The following ATP8A2 variants were observed in gnomAD, a reference collection of about 807,000 sequenced individuals.
ATP8A2 encodes phospholipid-transporting ATPase IB.
ATP8A2 carries 100 observed loss-of-function variants against 165.6 expected under a neutral mutation model. The observed-to-expected ratio is 0.60, with a 90% CI of 0.51 to 0.71. ATP8A2 has a LOEUF of 0.71. Ranked by LOEUF, ATP8A2 falls within the 30% of genes least tolerant of loss-of-function variation. The pLI is 0.00. For synonymous variants in ATP8A2, 543 were observed against 548.8 expected (o/e 0.99, Z 0.15); for missense variants, 1,227 against 1,479.5 (o/e 0.83, Z 2.80).
intron 1 of ATP8A2, among the ~76,000 whole-genome samples, chr13:25,447,923 C>T (rs948272575): frequency 5.3e-5 from 8 of 152,172 alleles, no homozygotes; most frequent in Non-Finnish European, 8.8e-5. Flanking sequence ...TGTCTCCAAC[C>T]GTAGTCTTTG....
At chr13:25,643,376 TTTG>T in intron 24 of ATP8A2, among the ~76,000 whole-genome samples, 2 of 152,266 alleles carry the variant, frequency 1.3e-5, no homozygotes, top group South Asian at 4.1e-4. Flanking sequence ...CTTGCAGTTT[TTTG>T]TTGTTATGAC....
chr13:25,884,222 A>G (rs1176712447), intron 33 of ATP8A2, among the ~76,000 whole-genome samples: 1 of 152,172 alleles, frequency 6.6e-6, no homozygotes, highest in East Asian at 1.9e-4. Context: ...AGTTGGAGTT[A>G]CATGGGTCTC....
chr13:25,680,456 A>G (rs1001588413), intron 24 of ATP8A2, among the ~76,000 whole-genome samples: 1 of 152,182 alleles, frequency 6.6e-6, no homozygotes, highest in Non-Finnish European at 1.5e-5. Flanking sequence ...TTCTAGCCCC[A>G]GGAGCTGTGA....
At chr13:25,908,022 T>C (rs1953994173) in intron 33 of ATP8A2, among the ~76,000 whole-genome samples, 1 of 152,196 alleles carries the variant, frequency 6.6e-6, no homozygotes, top group Non-Finnish European at 1.5e-5. Context: ...GATATTTTTT[T>C]CAGATAAAAG....
At chr13:25,390,245 C>T (rs1186065685) in intron 1 of ATP8A2, among the ~76,000 whole-genome samples, 4 of 152,180 alleles carry the variant, frequency 2.6e-5, no homozygotes, top group Non-Finnish European at 4.4e-5. Context: ...CCACCCACCT[C>T]GGCCTCCCAA....
At chr13:25,572,364 C>T (rs1453502668) in intron 18 of ATP8A2, among the ~76,000 whole-genome samples, 1 of 152,194 alleles carries the variant, frequency 6.6e-6, no homozygotes, top group African/African-American at 2.4e-5. Flanking sequence ...ATCTCAAATT[C>T]CTGACCTCAA....
At chr13:25,388,930 C>A (rs2033150446) in intron 1 of ATP8A2, among the ~76,000 whole-genome samples, 1 of 152,158 alleles carries the variant, frequency 6.6e-6, no homozygotes, top group African/African-American at 2.4e-5. Flanking sequence ...AAGAGAAAGC[C>A]AATGGGAATC....
intron 24 of ATP8A2, among the ~76,000 whole-genome samples, chr13:25,609,826 G>T (rs924163818): frequency 9.9e-5 from 15 of 150,884 alleles, no homozygotes; most frequent in Admixed American, 4.6e-4. Context: ...CAGGAGTAAG[G>T]TGGTATCCCA....
chr13:25,513,813 C>G (rs2037366131), intron 2 of ATP8A2, among the ~76,000 whole-genome samples: 2 of 152,226 alleles, frequency 1.3e-5, no homozygotes, highest in African/African-American at 4.8e-5. Flanking sequence ...AAAAACCAGT[C>G]AGGCGTGGCG....
intron 12 of ATP8A2, among the ~76,000 whole-genome samples, chr13:25,554,233 C>A (rs957733413): frequency 2.6e-5 from 4 of 152,194 alleles, no homozygotes; most frequent in Admixed American, 2.6e-4. Context: ...GAAGAAAAGG[C>A]CTCTTGGGTG....
At chr13:25,508,596 A>G (rs1327342438) in intron 2 of ATP8A2, among the ~76,000 whole-genome samples, 2 of 152,232 alleles carry the variant, frequency 1.3e-5, no homozygotes, top group African/African-American at 4.8e-5. Flanking sequence ...AACTTTGGCA[A>G]CCCTCTGATT....
intron 33 of ATP8A2, among the ~76,000 whole-genome samples, chr13:25,867,729 C>A (rs2138790267): frequency 6.6e-6 from 1 of 152,194 alleles, no homozygotes; most frequent in South Asian, 2.1e-4. Flanking sequence ...TGGGGGCTTC[C>A]AGGATAGCAG....
chr13:25,916,719 A>T (rs1050078378), intron 33 of ATP8A2, among the ~76,000 whole-genome samples: 3 of 152,138 alleles, frequency 2.0e-5, no homozygotes, highest in African/African-American at 7.2e-5. Flanking sequence ...CCTGTAACTC[A>T]TGTCACTCCT....
chr13:25,627,565 G>A (rs896101666), intron 24 of ATP8A2, among the ~76,000 whole-genome samples: 2 of 152,096 alleles, frequency 1.3e-5, no homozygotes, highest in Non-Finnish European at 2.9e-5. Flanking sequence ...GTGAGAACAC[G>A]GTGAGAAGGT....
intron 1 of ATP8A2, among the ~76,000 whole-genome samples, chr13:25,465,684 TTTCTTTCTTTCTTTCTTTCTTTCTTTC>T (rs1566153067): frequency 1.1e-3 from 14 of 13,120 alleles, no homozygotes; most frequent in African/African-American, 2.3e-3. Flanking sequence ...TCTTTCTTTC[TTTCTTTCTTTCTTTCTTTCTTTCTTTC>T]TTTCTTTCTT....
chr13:25,420,003 T>A (rs561617006), intron 1 of ATP8A2, among the ~76,000 whole-genome samples: 1 of 152,176 alleles, frequency 6.6e-6, no homozygotes, highest in African/African-American at 2.4e-5. Context: ...CGATACATAC[T>A]TCAAGGAAAA....
At chr13:25,385,898 G>T (rs548991284) in intron 1 of ATP8A2, among the ~76,000 whole-genome samples, 20 of 150,310 alleles carry the variant, frequency 1.3e-4, no homozygotes, top group African/African-American at 4.7e-4. Flanking sequence ...TCCCTGTGTT[G>T]CCCAGACTTG....
At chr13:25,535,562 C>G (rs1177562591) in intron 6 of ATP8A2, among the ~76,000 whole-genome samples, 1 of 152,148 alleles carries the variant, frequency 6.6e-6, no homozygotes, top group African/African-American at 2.4e-5. Flanking sequence ...ACCTGCAATC[C>G]CAGCACTTTG....
chr13:25,574,833 T>A lies in ATP8A2; in HGVS notation c.1688T>A (p.Ile563Asn). ...EAMGQEQTFGILNVLEFSSDR... is the reference protein window; with the variant it reads ...EAMGQEQTFGNLNVLEFSSDR... ...ATGGGACAGGAACAAACATTCGGAA[T>A]CCTTAATGTCCTGGAATTTTCTAGG... The change falls in exon 19 of 37, where the codon ATC becomes AAC. Residue 563 changes from isoleucine (I) to asparagine (N), a missense_variant. Physicochemically the swap from Ile to Asn is moderately radical, Grantham distance 149. Coordinates refer to ENST00000381655, the MANE Select transcript of ATP8A2 (RefSeq NM_016529.6). The A allele has an allele frequency of 6.4e-7, 1 of 1,558,906 alleles. No individual in the cohort carries two copies. Among genetic ancestry groups the A allele is most frequent in the Admixed American group, 1.7e-5 (1 of 58,928 alleles).
Sources: gnomAD v4.1 joint callset for allele counts (sites outside exome capture counted in the v4.1 genomes callset) on GRCh38, gnomAD v4.1.1 for gene constraint, MANE v1.5 for transcripts, NCBI Gene and HGNC (gene_info 2026-07-23, HGNC 2026-07-21) for gene names.